ZSWIM5: variants seen among roughly 807,000 people sequenced by gnomAD.
ZSWIM5 encodes the protein zinc finger SWIM domain-containing protein 5.
In ZSWIM5, 55 loss-of-function variants were observed where a neutral mutation model predicts 119.6. That is an observed-to-expected ratio of 0.46 (90% CI 0.37 to 0.58). The LOEUF is 0.58. ZSWIM5 is among the 20% of genes least tolerant of loss of function. The probability of loss-of-function intolerance (pLI) is 0.00; values close to 1 mark genes in which losing one functional copy is unlikely to be tolerated. For synonymous variants in ZSWIM5, 537 were observed against 606.9 expected (o/e 0.88, Z 1.69); for missense variants, 1,193 against 1,512.8 (o/e 0.79, Z 3.51).
intron 1 of ZSWIM5, among the ~76,000 whole-genome samples, chr1:45,203,832 C>T (rs1646171693): frequency 6.6e-6 from 1 of 152,020 alleles, no homozygotes; most frequent in Non-Finnish European, 1.5e-5. Flanking sequence ...TTACACAGCT[C>T]GTGGTTCTCA....
intron 1 of ZSWIM5, among the ~76,000 whole-genome samples, chr1:45,189,276 C>G (rs563462213): frequency 6.6e-6 from 1 of 151,954 alleles, no homozygotes; most frequent in Non-Finnish European, 1.5e-5. Context: ...GATCATGCCA[C>G]TGCACTCTAG....
intron 1 of ZSWIM5, among the ~76,000 whole-genome samples, chr1:45,203,588 C>T (rs567268658): frequency 6.6e-6 from 1 of 152,090 alleles, no homozygotes; most frequent in Admixed American, 6.5e-5. Context: ...AACTGAAAAA[C>T]ACGATTACTA....
chr1:45,182,947 T>C (rs1200147495), intron 1 of ZSWIM5, among the ~76,000 whole-genome samples: 1 of 149,510 alleles, frequency 6.7e-6, no homozygotes, highest in Non-Finnish European at 1.5e-5. Flanking sequence ...GAATATACAT[T>C]TTTTTCAGCA....
intron 11 of ZSWIM5, among the ~76,000 whole-genome samples, chr1:45,022,260 A>C (rs920749053): frequency 7.3e-5 from 11 of 150,802 alleles, no homozygotes; most frequent in African/African-American, 2.7e-4. Context: ...CCTCCCGCGT[A>C]GCTGAGACTA....
intron 4 of ZSWIM5, among the ~76,000 whole-genome samples, chr1:45,055,480 G>T (rs1645116641): frequency 6.6e-6 from 1 of 152,150 alleles, no homozygotes. Context: ...GCGACAACAA[G>T]GGGAAAACAA....
intron 1 of ZSWIM5, among the ~76,000 whole-genome samples, chr1:45,199,100 T>C (rs143807019): frequency 2.1e-4 from 32 of 152,270 alleles, no homozygotes; most frequent in African/African-American, 7.7e-4. Context: ...TTCCAGTTAC[T>C]CCATATACTT....
chr1:45,138,984 T>C lies in ZSWIM5; in HGVS notation c.596-50747A>G, dbSNP rs1379822024. ...TCAGCTCACTGCAACCTCCGCCTCCTGGGTTTAAGTGATTTTCCAGCCTCG... is the reference window on the plus strand; with the variant it reads ...TCAGCTCACTGCAACCTCCGCCTCCCGGGTTTAAGTGATTTTCCAGCCTCG... On this transcript the variant is annotated intron_variant, in intron 1 of 13. Transcript: ENST00000359600. 1.1e-4 allele frequency among the ~76,000 whole-genome samples: 17 copies of C among 151,112 alleles called. No homozygotes were observed. In the Admixed American group the frequency reaches 1.1e-3, roughly 10 times the overall value.
intron 5 of ZSWIM5, among the ~76,000 whole-genome samples, chr1:45,045,903 A>ACTTTTCT (rs1367281010): frequency 1.3e-5 from 2 of 152,130 alleles, no homozygotes; most frequent in Non-Finnish European, 2.9e-5. Flanking sequence ...GAGAAAAGCA[A>ACTTTTCT]GCTGGTGTTA....
chr1:45,037,108 C>CTTT (rs57405864), intron 8 of ZSWIM5, among the ~76,000 whole-genome samples: 1 of 90,602 alleles, frequency 1.1e-5, no homozygotes, highest in Non-Finnish European at 2.2e-5. Flanking sequence ...GCCCCACCTC[C>CTTT]TTTTTTTTTT....
chr1:45,087,803 G>A (rs771972389), intron 2 of ZSWIM5, 78 bp downstream of exon 2: 1 of 1,018,974 alleles, frequency 9.8e-7, no homozygotes, highest in Non-Finnish European at 1.5e-6. Context: ...AAGCAACAAA[G>A]TAGAGGTAAG....
chr1:45,172,464 C>A lies in ZSWIM5; in HGVS notation c.595+33292G>T, dbSNP rs758903853. On this transcript the variant is annotated intron_variant, in intron 1 of 13. Coordinates refer to ENST00000359600, the MANE Select transcript of ZSWIM5 (RefSeq NM_020883.2). ...AAATATTTTTAAAAATATTTTACTACGTAAAAAAGCTGAAAAAGTGCTAAT... is the reference window on the plus strand; with the variant it reads ...AAATATTTTTAAAAATATTTTACTAAGTAAAAAAGCTGAAAAAGTGCTAAT... Among the ~76,000 whole-genome samples, 9 of 152,102 alleles carry A rather than the reference C, an allele frequency of 5.9e-5. No homozygotes were observed. In the South Asian group the frequency reaches 1.7e-3, roughly 28 times the overall value.
chr1:45,205,285 T>C (rs1047847284), intron 1 of ZSWIM5, among the ~76,000 whole-genome samples: 1 of 152,140 alleles, frequency 6.6e-6, no homozygotes, highest in Non-Finnish European at 1.5e-5. Flanking sequence ...CAGTATTTTG[T>C]TGGGGCTTTT....
intron 1 of ZSWIM5, among the ~76,000 whole-genome samples, chr1:45,100,425 C>T (rs984703181): frequency 2.6e-5 from 4 of 152,184 alleles, no homozygotes; most frequent in Admixed American, 2.0e-4. Context: ...GAAGAACATT[C>T]CATGCTCGTG....
intron 1 of ZSWIM5, among the ~76,000 whole-genome samples, chr1:45,115,124 T>C (rs931162125): frequency 3.9e-5 from 6 of 152,258 alleles, no homozygotes; most frequent in Admixed American, 3.3e-4. Context: ...AAAACCGCCA[T>C]CGTCATCATG....
chr1:45,098,812 T>G (rs61632455), intron 1 of ZSWIM5, among the ~76,000 whole-genome samples: 3,168 of 152,086 alleles, frequency 0.021, 120 homozygotes, highest in African/African-American at 0.07. Context: ...GGTACATAAC[T>G]AAATGAAGGC....
intron 8 of ZSWIM5, among the ~76,000 whole-genome samples, chr1:45,037,150 T>A (rs931260942): frequency 7.9e-6 from 1 of 126,212 alleles, no homozygotes; most frequent in South Asian, 2.8e-4. Flanking sequence ...TCGCTCCATC[T>A]CCCAGGCTGG....
chr1:45,127,422 A>T (rs1488562191), intron 1 of ZSWIM5, among the ~76,000 whole-genome samples: 1 of 151,964 alleles, frequency 6.6e-6, no homozygotes, highest in Admixed American at 6.6e-5. Flanking sequence ...GATAGGGAAC[A>T]AGGCAAGATT....
At chr1:45,128,586 T>A (rs1373461883) in intron 1 of ZSWIM5, among the ~76,000 whole-genome samples, 1 of 152,216 alleles carries the variant, frequency 6.6e-6, no homozygotes, top group African/African-American at 2.4e-5. Context: ...GAACAGGGAA[T>A]CCAAAAATAG....
intron 1 of ZSWIM5, among the ~76,000 whole-genome samples, chr1:45,109,456 T>G (rs1380016524): frequency 6.6e-6 from 1 of 152,146 alleles, no homozygotes; most frequent in Non-Finnish European, 1.5e-5. Flanking sequence ...AAAAAGAAGG[T>G]TATTCCTGGC....
Sources: gnomAD v4.1 joint callset for allele counts (sites outside exome capture counted in the v4.1 genomes callset) on GRCh38, gnomAD v4.1.1 for gene constraint, MANE v1.5 for transcripts, NCBI Gene and HGNC (gene_info 2026-07-23, HGNC 2026-07-21) for gene names.